TAFA1: variants seen among roughly 807,000 people sequenced by gnomAD.
The protein encoded by TAFA1 is chemokine-like protein TAFA-1.
Under a neutral mutation model 18.5 loss-of-function variants are expected in TAFA1, and 4 were observed. The ratio of observed to expected loss-of-function variants is 0.22; its 90% CI spans 0.11 to 0.49. The LOEUF is 0.49. Ranked by LOEUF, TAFA1 falls within the 20% of genes least tolerant of loss-of-function variation. The probability of loss-of-function intolerance (pLI) is 0.98; values close to 1 mark genes in which losing one functional copy is unlikely to be tolerated. For synonymous variants in TAFA1, 56 were observed against 55.2 expected, an observed-to-expected ratio of 1.01 and a Z score of -0.06; for missense variants, 147 against 169.0, an observed-to-expected ratio of 0.87 and a Z score of 0.72.
At chr3:68,510,522 T>G (rs1194875749) in intron 3 of TAFA1, among the ~76,000 whole-genome samples, 1 of 152,138 alleles carries the variant, frequency 6.6e-6, no homozygotes, top group Non-Finnish European at 1.5e-5. Flanking sequence ...GGGTACAGTA[T>G]CACATTTCCC....
At chr3:68,444,771 A>AATATAT (rs55684696) in intron 3 of TAFA1, among the ~76,000 whole-genome samples, 1,292 of 126,936 alleles carry the variant, frequency 0.01, 7 homozygotes, top group Non-Finnish European at 0.014. Context: ...GTTTCTACAA[A>AATATAT]ATATATATAT....
intron 2 of TAFA1, among the ~76,000 whole-genome samples, chr3:68,324,903 G>A (rs879288648): frequency 6.6e-5 from 10 of 152,158 alleles, no homozygotes; most frequent in African/African-American, 2.4e-4. Flanking sequence ...TCATGTCTGT[G>A]TTATGGTCTA....
chr3:68,142,881 A>G (rs2065685951), intron 2 of TAFA1, among the ~76,000 whole-genome samples: 1 of 150,504 alleles, frequency 6.6e-6, no homozygotes, highest in Admixed American at 6.7e-5. Flanking sequence ...TGCTCCTGTG[A>G]TTTTCACTTT....
At chr3:68,511,837 ATATT>A (rs1035430039) in intron 3 of TAFA1, among the ~76,000 whole-genome samples, 2 of 152,052 alleles carry the variant, frequency 1.3e-5, no homozygotes, top group African/African-American at 4.8e-5. Flanking sequence ...GTAATACACA[ATATT>A]TAATTAGATA....
At chr3:68,366,169 A>G (rs1011035926) in intron 2 of TAFA1, among the ~76,000 whole-genome samples, 8 of 151,158 alleles carry the variant, frequency 5.3e-5, no homozygotes, top group Non-Finnish European at 1.2e-4. Context: ...AACCGCCCCC[A>G]TGATTCAGTT....
At chr3:68,544,190 T>G (rs1193852884) in intron 4 of TAFA1, among the ~76,000 whole-genome samples, 1 of 152,016 alleles carries the variant, frequency 6.6e-6, no homozygotes, top group Non-Finnish European at 1.5e-5. Context: ...TTGTGCAACT[T>G]CATAGGTCAC....
At chr3:68,374,333 G>C (rs1345510560) in intron 2 of TAFA1, among the ~76,000 whole-genome samples, 1 of 152,140 alleles carries the variant, frequency 6.6e-6, no homozygotes, top group Non-Finnish European at 1.5e-5. Context: ...TGACCATATG[G>C]ATGGAGCAGA....
At chr3:68,472,991 A>C (rs1186896878) in intron 3 of TAFA1, among the ~76,000 whole-genome samples, 1 of 152,162 alleles carries the variant, frequency 6.6e-6, no homozygotes, top group Non-Finnish European at 1.5e-5. Flanking sequence ...AGGAGTGAGG[A>C]AATTTTTAGG....
At chr3:68,318,756 A>G (rs913002323) in intron 2 of TAFA1, among the ~76,000 whole-genome samples, 1 of 152,248 alleles carries the variant, frequency 6.6e-6, no homozygotes, top group African/African-American at 2.4e-5. Context: ...ATGATTACTT[A>G]AAAGATTTTA....
At chr3:68,133,646 A>C (rs907343977) in intron 2 of TAFA1, among the ~76,000 whole-genome samples, 3 of 152,000 alleles carry the variant, frequency 2.0e-5, no homozygotes, top group African/African-American at 7.3e-5. Context: ...ATGGGAGTTC[A>C]CTCATGATTT....
At chr3:68,231,581 C>T (rs1265551527) in intron 2 of TAFA1, among the ~76,000 whole-genome samples, 1 of 150,868 alleles carries the variant, frequency 6.6e-6, no homozygotes, top group Non-Finnish European at 1.5e-5. Flanking sequence ...AGGATGGTCT[C>T]GATCTCCTGA....
chr3:68,471,226 T>C (rs2071991002), intron 3 of TAFA1, among the ~76,000 whole-genome samples: 1 of 152,220 alleles, frequency 6.6e-6, no homozygotes, highest in Admixed American at 6.5e-5. Context: ...AGAAGTTTGC[T>C]GCAGGGGCAG....
chr3:68,529,094 GATTAGTATA>G (rs762470587), intron 3 of TAFA1, among the ~76,000 whole-genome samples: 57 of 151,672 alleles, frequency 3.8e-4, no homozygotes, highest in Non-Finnish European at 5.7e-4. Flanking sequence ...GCCACTCAAA[GATTAGTATA>G]GTATTAATCC....
At chr3:68,397,313 C>A (rs1438391292) in intron 2 of TAFA1, among the ~76,000 whole-genome samples, 2 of 152,106 alleles carry the variant, frequency 1.3e-5, no homozygotes, top group African/African-American at 2.4e-5. Flanking sequence ...CCTCCCCTTG[C>A]CCCCTACCCG....
At chr3:68,417,553 C>T (rs1019114189) in intron 3 of TAFA1, 133 bp downstream of exon 3, 13 of 795,144 alleles carry the variant, frequency 1.6e-5, no homozygotes, top group Non-Finnish European at 2.2e-5. Context: ...TATACAATTG[C>T]CAGCCTCAGC....
chr3:68,321,944 A>G (rs1046441611), intron 2 of TAFA1, among the ~76,000 whole-genome samples: 1 of 152,248 alleles, frequency 6.6e-6, no homozygotes, highest in African/African-American at 2.4e-5. Flanking sequence ...CCACCTTAAA[A>G]GAAGTTCCCA....
chr3:68,279,626 G>A (rs72924588), intron 2 of TAFA1, among the ~76,000 whole-genome samples: 3,234 of 152,136 alleles, frequency 0.021, 112 homozygotes, highest in African/African-American at 0.074. Flanking sequence ...CCTCCTTCCT[G>A]AAACTTAAAT....
At chr3:68,349,291 C>G (rs2069221626) in intron 2 of TAFA1, among the ~76,000 whole-genome samples, 1 of 151,922 alleles carries the variant, frequency 6.6e-6, no homozygotes, top group Non-Finnish European at 1.5e-5. Flanking sequence ...TTTTCACAAG[C>G]AAAATGCTTT....
At chr3:68,189,007 T>C (rs564733384) in intron 2 of TAFA1, among the ~76,000 whole-genome samples, 3 of 151,856 alleles carry the variant, frequency 2.0e-5, no homozygotes, top group African/African-American at 7.2e-5. Context: ...GACTTTCCAA[T>C]TGGTGGTACA....
Sources: gnomAD v4.1 joint callset for allele counts (sites outside exome capture counted in the v4.1 genomes callset) on GRCh38, gnomAD v4.1.1 for gene constraint, MANE v1.5 for transcripts, NCBI Gene and HGNC (gene_info 2026-07-23, HGNC 2026-07-21) for gene names.